VOPP1: variants seen among roughly 807,000 people sequenced by gnomAD.
VOPP1 encodes VOPP1 WW domain binding protein, also known as WW domain binding protein VOPP1.
Under a neutral mutation model 23.5 loss-of-function variants are expected in VOPP1, and 8 were observed. The observed-to-expected ratio is 0.34, with a 90% CI of 0.20 to 0.61. The LOEUF (loss-of-function observed/expected upper bound fraction) is 0.61, where lower values mean the gene tolerates loss of function less well. Ranked by LOEUF, VOPP1 falls within the 20% of genes least tolerant of loss-of-function variation. The pLI is 0.78. For synonymous variants in VOPP1, 83 were observed against 97.3 expected (o/e 0.85, Z 0.86); for missense variants, 174 against 238.1 (o/e 0.73, Z 1.77).
At chr7:55,496,438 A>G (rs1231472132) in intron 3 of VOPP1, among the ~76,000 whole-genome samples, 1 of 152,210 alleles carries the variant, frequency 6.6e-6, no homozygotes, top group African/African-American at 2.4e-5. Flanking sequence ...GGCTACAACA[A>G]TTATTCTTCT....
intron 2 of VOPP1, among the ~76,000 whole-genome samples, chr7:55,515,403 G>A (rs1795338637): frequency 6.6e-6 from 1 of 152,148 alleles, no homozygotes; most frequent in Non-Finnish European, 1.5e-5. Context: ...TGCAGCAGAG[G>A]TCCCCAGGTA....
At chr7:55,497,233 T>A (rs1794016606) in intron 3 of VOPP1, among the ~76,000 whole-genome samples, 1 of 151,858 alleles carries the variant, frequency 6.6e-6, no homozygotes. Flanking sequence ...TGGGGAAGAG[T>A]CTGGACAATG....
At chr7:55,521,905 C>A (rs1210162247) in intron 1 of VOPP1, 1 of 985,580 alleles carries the variant, frequency 1.0e-6, no homozygotes, top group African/African-American at 1.8e-5. Context: ...CAAGGCTTTT[C>A]TAAAATTATT....
At chr7:55,538,730 G>T in intron 1 of VOPP1, 1 of 1,436,190 alleles carries the variant, frequency 7.0e-7, no homozygotes, top group Non-Finnish European at 9.4e-7. Context: ...AATGAGTCAT[G>T]GCCATTCCTA....
chr7:55,517,318 T>C (rs983354638), intron 2 of VOPP1, among the ~76,000 whole-genome samples: 1 of 151,986 alleles, frequency 6.6e-6, no homozygotes, highest in Non-Finnish European at 1.5e-5. Context: ...CACATGACTA[T>C]ACCACTGCTG....
chr7:55,521,645 G>A (rs1205511332), intron 1 of VOPP1: 3 of 987,418 alleles, frequency 3.0e-6, no homozygotes, highest in Non-Finnish European at 3.6e-6. Context: ...GAGAAAGAAG[G>A]AACAAGGAAA....
At chr7:55,453,911 A>C (rs1388836920) in intron 4 of VOPP1, among the ~76,000 whole-genome samples, 3 of 152,212 alleles carry the variant, frequency 2.0e-5, no homozygotes, top group African/African-American at 7.2e-5. Context: ...GTAGTTTTTG[A>C]GATCTTTTTT....
At chr7:55,443,334 C>T (rs765530850) in intron 4 of VOPP1, among the ~76,000 whole-genome samples, 54 of 151,942 alleles carry the variant, frequency 3.6e-4, no homozygotes, top group Non-Finnish European at 6.8e-4. Context: ...GCGGGCGGAT[C>T]ACAAGATCAG....
intron 1 of VOPP1, chr7:55,571,958 G>T (rs1298104146): frequency 1.1e-5 from 3 of 278,194 alleles, no homozygotes; most frequent in Non-Finnish European, 2.0e-5. Context: ...GGCGGGGAGA[G>T]GGGGCGGACG....
intron 4 of VOPP1, among the ~76,000 whole-genome samples, chr7:55,486,303 A>T (rs115305078): frequency 0.012 from 1,840 of 152,332 alleles, 12 homozygotes; most frequent in Middle Eastern, 0.02. Flanking sequence ...TATCTGTCAT[A>T]ATTTATAGTG....
downstream of VOPP1, among the ~76,000 whole-genome samples, chr7:55,470,160 A>G (rs143980272): frequency 7.9e-5 from 12 of 152,306 alleles, no homozygotes; most frequent in Middle Eastern, 3.4e-3. Flanking sequence ...CTTGAGGCCA[A>G]TGGTTTGAGA....
chr7:55,496,729 G>A (rs1054164448), intron 3 of VOPP1, among the ~76,000 whole-genome samples: 1 of 152,212 alleles, frequency 6.6e-6, no homozygotes, highest in African/African-American at 2.4e-5. Flanking sequence ...AGATAAAACC[G>A]CATAAAAATT....
chr7:55,503,552 A>G (rs1276754054), intron 2 of VOPP1, among the ~76,000 whole-genome samples: 2 of 152,218 alleles, frequency 1.3e-5, no homozygotes, highest in African/African-American at 4.8e-5. Context: ...AAACCTTTCC[A>G]TGTGTTGTTG....
chr7:55,478,557 A>G (rs1792448648), intron 4 of VOPP1, among the ~76,000 whole-genome samples: 1 of 152,252 alleles, frequency 6.6e-6, no homozygotes, highest in Non-Finnish European at 1.5e-5. Flanking sequence ...AATGGTTTGC[A>G]AACTGAAAGG....
intron 4 of VOPP1, among the ~76,000 whole-genome samples, chr7:55,449,213 C>A (rs1791178552): frequency 6.6e-6 from 1 of 152,228 alleles, no homozygotes; most frequent in African/African-American, 2.4e-5. Flanking sequence ...CTGCTCCTGT[C>A]GGCGCCCGTG....
At chr7:55,477,431 A>G (rs1375220640) in intron 4 of VOPP1, among the ~76,000 whole-genome samples, 1 of 152,132 alleles carries the variant, frequency 6.6e-6, no homozygotes, top group Non-Finnish European at 1.5e-5. Context: ...GTTTCCTGAG[A>G]CACACCTGTT....
intron 4 of VOPP1, among the ~76,000 whole-genome samples, chr7:55,487,777 A>C (rs1486179312): frequency 6.6e-6 from 1 of 152,216 alleles, no homozygotes; most frequent in East Asian, 1.9e-4. Flanking sequence ...TAATTCAATC[A>C]TCGTTTTCTT....
intron 1 of VOPP1, among the ~76,000 whole-genome samples, chr7:55,559,929 G>T (rs183110375): frequency 6.6e-6 from 1 of 152,322 alleles, no homozygotes; most frequent in East Asian, 1.9e-4. Flanking sequence ...CGTGGCAGGC[G>T]ATCACCTGAG....
intron 1 of VOPP1, among the ~76,000 whole-genome samples, chr7:55,537,847 G>T (rs1454510823): frequency 2.6e-5 from 4 of 152,160 alleles, no homozygotes; most frequent in Admixed American, 2.6e-4. Flanking sequence ...CATGAAAGGG[G>T]GAACTGCCCA....
Sources: gnomAD v4.1 joint callset for allele counts (sites outside exome capture counted in the v4.1 genomes callset) on GRCh38, gnomAD v4.1.1 for gene constraint, MANE v1.5 for transcripts, NCBI Gene and HGNC (gene_info 2026-07-23, HGNC 2026-07-21) for gene names.